PRCP: variants seen among roughly 807,000 people sequenced by gnomAD.
PRCP encodes prolylcarboxypeptidase.
PRCP carries 46 observed loss-of-function variants against 54.2 expected under a neutral mutation model. That is an observed-to-expected ratio of 0.85 (90% CI 0.67 to 1.09). The LOEUF (loss-of-function observed/expected upper bound fraction) is 1.09. Among genes scored for constraint, PRCP ranks in the 50% least tolerant of loss-of-function variants. The pLI, the probability that PRCP is intolerant of heterozygous loss-of-function variation, is 0.00. For missense variants in PRCP, 613 were observed against 596.8 expected, an observed-to-expected ratio of 1.03 and a Z score of -0.28; for synonymous variants, 240 against 212.2, an observed-to-expected ratio of 1.13 and a Z score of -1.14.
Position 82,839,257 on chromosome 11 carries a change from T to C in PRCP, c.1086+4A>G, listed in dbSNP as rs1233564760. 3.7e-6 allele frequency: 6 copies of C among 1,610,138 alleles called. No individual in the cohort carries two copies. The highest frequency in any genetic ancestry group is 5.1e-6 in the Non-Finnish European group (6 of 1,178,930). On this transcript the variant is annotated splice_donor_region_variant and intron_variant, in intron 7 of 8. Coordinates refer to ENST00000313010, the MANE Select transcript of PRCP (RefSeq NM_005040.4). ...TTCCACTTGGGGAAATTATACATAT[T>C]TACCTGATAGCTCCAACCCAGTGTT...
At chr11:82,867,856 T>C (rs1463578890) in intron 1 of PRCP, among the ~76,000 whole-genome samples, 1 of 152,096 alleles carries the variant, frequency 6.6e-6, no homozygotes, top group Non-Finnish European at 1.5e-5. Flanking sequence ...AGAGTAGCTG[T>C]AACTAAAGGC....
chr11:82,824,865 T>C lies in PRCP; in HGVS notation c.*41A>G. 5 of 1,547,886 alleles carry C rather than the reference T, an allele frequency of 3.2e-6. No homozygotes were observed. The highest frequency in any genetic ancestry group is 4.4e-6 in the Non-Finnish European group (5 of 1,129,240). ...ATCAAAGTGAATGGGAATGTGGTGG[T>C]GTGAACATAAAAGAAGAAATTGAAA... On this transcript the variant is annotated 3_prime_UTR_variant, in exon 9 of 9. Coordinates refer to ENST00000313010, the MANE Select transcript of PRCP (RefSeq NM_005040.4).
chr11:82,883,078 G>T (rs1055562122), intron 1 of PRCP, among the ~76,000 whole-genome samples: 1 of 152,186 alleles, frequency 6.6e-6, no homozygotes, highest in African/African-American at 2.4e-5. Flanking sequence ...TTTGTCTGAA[G>T]AGCTGATGAA....
intron 6 of PRCP, among the ~76,000 whole-genome samples, chr11:82,843,756 C>A (rs948024643): frequency 1.3e-5 from 2 of 152,210 alleles, no homozygotes; most frequent in African/African-American, 4.8e-5. Context: ...AGTACAACTA[C>A]TGAATATTCT....
At chr11:82,881,878 T>C (rs1351747636) in intron 1 of PRCP, among the ~76,000 whole-genome samples, 1 of 152,198 alleles carries the variant, frequency 6.6e-6, no homozygotes, top group African/African-American at 2.4e-5. Context: ...AAAATCTGCC[T>C]ATAACCTTTG....
chr11:82,857,034 C>CAAA (rs11388763), intron 2 of PRCP, among the ~76,000 whole-genome samples: 2,742 of 118,822 alleles, frequency 0.023, 126 homozygotes, highest in Admixed American at 0.076. Flanking sequence ...GCCTCTGTCT[C>CAAA]AAAAAAAAAA....
rs1241639637 is a variant in PRCP at position 82,824,019 on chromosome 11, C to T, written c.*887G>A. On this transcript the variant is annotated 3_prime_UTR_variant, in exon 9 of 9. Coordinates refer to ENST00000313010, the MANE Select transcript of PRCP (RefSeq NM_005040.4). ...TTTAAAAGCTGAATATTACTATATT[C>T]TACTTTTGGAATAGCTGATTCATCA... The T allele has an allele frequency of 1.3e-5, 2 of 152,198 alleles. No individual in the cohort carries two copies. The highest frequency in any genetic ancestry group is 2.9e-5 in the Non-Finnish European group (2 of 68,042). The allele number at this position is 152,198 out of a possible 1,614,324, so 9.4% of individuals were successfully genotyped here.
At chr11:82,852,279 GTATT>G (rs2121150343) in intron 3 of PRCP, among the ~76,000 whole-genome samples, 1 of 152,024 alleles carries the variant, frequency 6.6e-6, no homozygotes, top group South Asian at 2.1e-4. Flanking sequence ...TTTTACTATT[GTATT>G]TATTTATAAT....
chr11:82,889,448 GAA>G (rs1859949947), intron 1 of PRCP, among the ~76,000 whole-genome samples: 1 of 152,042 alleles, frequency 6.6e-6, no homozygotes, highest in African/African-American at 2.4e-5. Context: ...GGAAGAGAAA[GAA>G]AGAAGAGGAA....
intron 2 of PRCP, chr11:82,858,519 T>C (rs1384053147): frequency 6.6e-6 from 1 of 152,174 alleles, no homozygotes; most frequent in Non-Finnish European, 1.5e-5. Flanking sequence ...ACACTGAATA[T>C]CTCTTCCTTT....
At chr11:82,842,676 C>A (rs1235116567) in intron 6 of PRCP, among the ~76,000 whole-genome samples, 1 of 151,964 alleles carries the variant, frequency 6.6e-6, no homozygotes, top group African/African-American at 2.4e-5. Context: ...TGTTTAAGGC[C>A]CTTGGTACAT....
chr11:82,835,091 G>A lies in PRCP; in HGVS notation c.1274+3296C>T, dbSNP rs894095161. On this transcript the variant is annotated intron_variant, in intron 8 of 8. Transcript: ENST00000313010. ...AAAGAAAAAGAAAAACAGCTAATGC[G>A]TGCTGGATTTAACATCTAGGTGATG... 7.2e-5 allele frequency among the ~76,000 whole-genome samples: 11 copies of A among 152,244 alleles called. No homozygotes were observed. In the East Asian group the frequency reaches 9.6e-4, roughly 13 times the overall value.
intron 1 of PRCP, among the ~76,000 whole-genome samples, chr11:82,861,069 A>C (rs1415162094): frequency 3.9e-5 from 6 of 152,140 alleles, no homozygotes; most frequent in Admixed American, 3.9e-4. Context: ...AATTCATGAA[A>C]CTCCATTAGT....
intron 3 of PRCP, among the ~76,000 whole-genome samples, chr11:82,852,655 G>A (rs1354103843): frequency 6.6e-6 from 1 of 152,200 alleles, no homozygotes; most frequent in African/African-American, 2.4e-5. Flanking sequence ...GGTTTATTAG[G>A]TAGAGTCTGT....
At chr11:82,825,352 G>A (rs550461693) in intron 8 of PRCP, 45 of 508,066 alleles carry the variant, frequency 8.9e-5, no homozygotes, top group Non-Finnish European at 1.3e-4. Context: ...TGAAGGAGGC[G>A]TTCCCACAAA....
chr11:82,837,233 TA>T, intron 8 of PRCP: 1 of 181,658 alleles, frequency 5.5e-6, no homozygotes, highest in Non-Finnish European at 1.2e-5. Flanking sequence ...ACCAATTTGC[TA>T]ATCACTAATT....
chr11:82,848,609 C>T (rs920252345), intron 6 of PRCP, among the ~76,000 whole-genome samples: 4 of 152,214 alleles, frequency 2.6e-5, no homozygotes, highest in African/African-American at 7.2e-5. Context: ...ACCTACAATG[C>T]TTTCGCAGCT....
In PRCP at chr11:82,860,018, T is replaced by G. The variant is rs763146496; in HGVS notation, c.268A>C (p.Thr90Pro). ...KKNGGSILFY[T>P]GNEGDIIWFC... ...CAGATAATGTCCCCTTCATTACCAG[T>G]GTAGAAAAGTATTGATCCACCATTT... is the stretch of plus-strand genomic sequence containing the variant. Residue 90 changes from threonine to proline, a missense_variant, in exon 2 of 9, where the codon ACT (threonine) becomes CCT (proline). Physicochemically the swap from Thr to Pro is conservative, Grantham distance 38. Coordinates refer to ENST00000313010, the MANE Select transcript of PRCP (RefSeq NM_005040.4). 1 of 1,591,572 alleles carries G rather than the reference T, an allele frequency of 6.3e-7. No homozygotes were observed. The highest frequency in any genetic ancestry group is 1.4e-5 in the African/African-American group (1 of 73,470).
rs112628992 is a variant in PRCP, at chr11:82,850,600, C to T, written c.412-95G>A. 33 of 1,019,856 alleles carry T rather than the reference C, an allele frequency of 3.2e-5. 2 individuals are homozygous for T. Among genetic ancestry groups the T allele is most frequent in the African/African-American group, 3.0e-4 (18 of 60,670 alleles). The allele number at this position is 1,019,856 out of a possible 1,614,324, so 63.2% of individuals were successfully genotyped here. A position where few individuals can be genotyped will look rare whatever the true frequency, so the allele number is the denominator to read the frequency against. On this transcript the variant is annotated intron_variant, in intron 3 of 8. Coordinates refer to ENST00000313010, the MANE Select transcript of PRCP (RefSeq NM_005040.4). The stretch of plus-strand genomic sequence containing the variant: ...CAGAAGAGAGCCAGTGTCAGATAAG[C>T]TTTTCTCTAAATAGAATTTCTAGGC...
Sources: allele counts gnomAD v4.1 joint callset (sites outside exome capture counted in the v4.1 genomes callset), GRCh38; gene constraint gnomAD v4.1.1; transcripts MANE v1.5; gene names NCBI Gene and HGNC (gene_info 2026-07-23, HGNC 2026-07-21).